VCF1: variants seen among roughly 807,000 people sequenced by gnomAD.
VCF1 encodes VCP nuclear cofactor family member 1.
At chr17:73,208,555 C>T in the VCF1 span, 1 of 1,380,418 alleles carries the variant, frequency 7.2e-7, no homozygotes, top group Non-Finnish European at 1.0e-6. Context: ...TTTCCAGTTT[C>T]ACTGATGGAA....
At chr17:73,208,399 C>T in the VCF1 span, 17 of 1,614,116 alleles carry the variant, frequency 1.1e-5, no homozygotes, top group East Asian at 4.5e-5. Flanking sequence ...GAAGACAACA[C>T]GTCTGCACCT....
the VCF1 span, among the ~76,000 whole-genome samples, chr17:73,226,995 G>A: frequency 6.6e-6 from 1 of 152,092 alleles, no homozygotes; most frequent in African/African-American, 2.4e-5. Flanking sequence ...CTGGGGACAG[G>A]GTACACAGCT....
chr17:73,213,471 T>C, the VCF1 span, among the ~76,000 whole-genome samples: 29 of 152,192 alleles, frequency 1.9e-4, no homozygotes, highest in Non-Finnish European at 7.3e-5. Context: ...GCAGTATATA[T>C]AGTATATCAG....
At chr17:73,216,402 G>A in the VCF1 span, among the ~76,000 whole-genome samples, 4 of 152,154 alleles carry the variant, frequency 2.6e-5, no homozygotes, top group Admixed American at 2.0e-4. Flanking sequence ...CAAGGAGGAA[G>A]CCAGGATCCA....
At chr17:73,227,506 G>T in the VCF1 span, 1 of 688,436 alleles carries the variant, frequency 1.5e-6, no homozygotes, top group Non-Finnish European at 1.9e-6. Flanking sequence ...CTAAAAAGAA[G>T]CTTAACAATT....
At chr17:73,220,349 AC>A in the VCF1 span, among the ~76,000 whole-genome samples, 1 of 152,142 alleles carries the variant, frequency 6.6e-6, no homozygotes, top group Non-Finnish European at 1.5e-5. Context: ...CCGCATTCCC[AC>A]TAAGAATTCC....
the VCF1 span, among the ~76,000 whole-genome samples, chr17:73,217,951 G>A: frequency 7.5e-3 from 1,146 of 152,320 alleles, 13 homozygotes; most frequent in African/African-American, 0.026. Flanking sequence ...CAGCCTGGGC[G>A]ACAGAGCGAG....
At chr17:73,229,867 CAAAA>C in the VCF1 span, among the ~76,000 whole-genome samples, 7 of 22,614 alleles carry the variant, frequency 3.1e-4, no homozygotes, top group Non-Finnish European at 4.2e-4. Flanking sequence ...GACTCCATCT[CAAAA>C]AAAAAAAAAA....
chr17:73,225,524 G>T, the VCF1 span, among the ~76,000 whole-genome samples: 1 of 151,648 alleles, frequency 6.6e-6, no homozygotes, highest in African/African-American at 2.4e-5. Context: ...CTTCAAAACT[G>T]GCAGATACGG....
chr17:73,229,558 G>C, the VCF1 span: 3 of 985,066 alleles, frequency 3.0e-6, no homozygotes, highest in Non-Finnish European at 2.4e-6. Context: ...CTAGAGACTC[G>C]GCATAGAAAT....
chr17:73,229,079 G>C, the VCF1 span, among the ~76,000 whole-genome samples: 2 of 152,236 alleles, frequency 1.3e-5, no homozygotes, highest in Admixed American at 6.5e-5. Context: ...AACAAAAAAA[G>C]ATGAGATGAT....
chr17:73,225,882 AATATATATATATATATATT>A, the VCF1 span, among the ~76,000 whole-genome samples: 1 of 74,700 alleles, frequency 1.3e-5, no homozygotes, highest in Non-Finnish European at 2.4e-5. Context: ...ATATATATAT[AATATATATATATATATATT>A]TTTTTTTTTT....
chr17:73,231,243 C>T, the VCF1 span, among the ~76,000 whole-genome samples: 1 of 152,198 alleles, frequency 6.6e-6, no homozygotes, highest in South Asian at 2.1e-4. Context: ...GAGAAGGATC[C>T]TTGTGGAAAG....
At chr17:73,214,527 C>A in the VCF1 span, among the ~76,000 whole-genome samples, 1 of 152,156 alleles carries the variant, frequency 6.6e-6, no homozygotes, top group Non-Finnish European at 1.5e-5. Flanking sequence ...AAAGGAAAGA[C>A]CATTCTTCAC....
the VCF1 span, chr17:73,209,724 G>C: frequency 1.3e-6 from 2 of 1,534,886 alleles, no homozygotes; most frequent in Non-Finnish European, 1.8e-6. Flanking sequence ...TATTGATGCT[G>C]CTGCTGCTGC....
chr17:73,213,432 A>G, the VCF1 span, among the ~76,000 whole-genome samples: 1 of 152,132 alleles, frequency 6.6e-6, no homozygotes, highest in African/African-American at 2.4e-5. Flanking sequence ...CTTTGGCATC[A>G]TTTTTTACAT....
At chr17:73,227,967 ATAAAT>A in the VCF1 span, among the ~76,000 whole-genome samples, 30 of 152,368 alleles carry the variant, frequency 2.0e-4, no homozygotes, top group Middle Eastern at 0.01. Flanking sequence ...GAAAACAGAA[ATAAAT>A]TAAAGGAGGT....
the VCF1 span, among the ~76,000 whole-genome samples, chr17:73,217,229 T>C: frequency 6.6e-6 from 1 of 152,128 alleles, no homozygotes; most frequent in African/African-American, 2.4e-5. Flanking sequence ...GGCAAGCACC[T>C]GTAATCACAG....
At chr17:73,227,157 C>A in the VCF1 span, 2 of 1,566,526 alleles carry the variant, frequency 1.3e-6, no homozygotes, top group African/African-American at 2.8e-5. Flanking sequence ...TGTGACCACA[C>A]TTCCTACCTC....
Sources: gnomAD v4.1 joint callset for allele counts (sites outside exome capture counted in the v4.1 genomes callset) on GRCh38, gnomAD v4.1.1 for gene constraint, MANE v1.5 for transcripts, NCBI Gene and HGNC (gene_info 2026-07-23, HGNC 2026-07-21) for gene names.